PEX14: variants seen among roughly 807,000 people sequenced by gnomAD.
PEX14 encodes peroxisomal biogenesis factor 14.
A neutral mutation model predicts 49.5 loss-of-function variants in PEX14; 15 were observed. The observed-to-expected ratio is 0.30, with a 90% CI of 0.20 to 0.47. PEX14 has a LOEUF of 0.47. Ranked by LOEUF, PEX14 falls within the 20% of genes least tolerant of loss-of-function variation. The probability of loss-of-function intolerance (pLI) is 1.00; values close to 1 mark genes in which losing one functional copy is unlikely to be tolerated. For missense variants in PEX14, 398 were observed against 494.8 expected, an observed-to-expected ratio of 0.80 and a Z score of 1.86; for synonymous variants, 210 against 212.7, an observed-to-expected ratio of 0.99 and a Z score of 0.11.
Position 10,597,541 on chromosome 1 carries a change from C to G in PEX14, c.170-1697C>G, listed in dbSNP as rs1270583218. Among the ~76,000 whole-genome samples the G allele has an allele frequency of 6.6e-6, 1 of 152,212 alleles. No individual in the cohort carries two copies. The highest frequency in any genetic ancestry group is 6.5e-5 in the Admixed American group (1 of 15,280). ...GGTAAAGCAGTCCCTTTGCAGCAAG[C>G]ACCCCCTCTCTAGCTCCACTCTACT... On this transcript the variant is annotated intron_variant, in intron 3 of 8. Transcript: ENST00000356607. This position sits in a 1 kb window ranked among gnomAD's most constrained non-coding sequence, Gnocchi z 5.7.
intron 1 of PEX14, among the ~76,000 whole-genome samples, chr1:10,478,336 G>C (rs773005953): frequency 3.3e-5 from 5 of 152,016 alleles, no homozygotes; most frequent in Non-Finnish European, 5.9e-5. Flanking sequence ...ACATCTTTTG[G>C]GGTATGATTT....
At chr1:10,547,088 G>A (rs148422118) in intron 3 of PEX14, among the ~76,000 whole-genome samples, 72 of 152,256 alleles carry the variant, frequency 4.7e-4, no homozygotes, top group African/African-American at 1.7e-3. Context: ...GCATGTCCTT[G>A]CAGCTGTGAT....
intron 2 of PEX14, among the ~76,000 whole-genome samples, chr1:10,504,991 G>A (rs1641756741): frequency 6.6e-6 from 1 of 152,072 alleles, no homozygotes; most frequent in Non-Finnish European, 1.5e-5. Context: ...CAACATGTTG[G>A]CCAGGCTGGT....
chr1:10,594,829 C>CA (rs5772422), intron 3 of PEX14, among the ~76,000 whole-genome samples: 132,033 of 152,092 alleles, frequency 0.87, 57,557 homozygotes, highest in Middle Eastern at 0.95. Context: ...CAATCGCAGC[C>CA]TGTACCCTGC....
Position 10,494,939 on chromosome 1 carries a change from C to G in PEX14, c.37-335C>G, listed in dbSNP as rs1160887347. 6.6e-6 allele frequency among the ~76,000 whole-genome samples: 1 copy of G among 152,200 alleles called. No individual in the cohort carries two copies. The highest frequency in any genetic ancestry group is 1.5e-5 in the Non-Finnish European group (1 of 68,040). ...TGTGCTCTCTCTTCAGGCCTTTTCT[C>G]TGGACTCTACTCTTCCCGTGGATTT... On this transcript the variant is annotated intron_variant, in intron 1 of 8. Transcript: ENST00000356607. The surrounding 1 kb of genome is among the most constrained non-coding windows in gnomAD (Gnocchi z 4.3).
chr1:10,498,151 A>G (rs934964714), intron 2 of PEX14, among the ~76,000 whole-genome samples: 28 of 152,160 alleles, frequency 1.8e-4, no homozygotes, highest in African/African-American at 5.3e-4. Flanking sequence ...TTGGTGCCTC[A>G]TGCCTATACT....
At position 10,629,889 on chromosome 1, in the gene PEX14, C is replaced by A. The variant is rs773295464; in HGVS notation, c.1036C>A (p.Gln346Lys). 1.1e-5 allele frequency: 18 copies of A among 1,612,678 alleles called. No individual in the cohort carries two copies. The highest frequency in any genetic ancestry group is 2.7e-5 in the African/African-American group (2 of 74,752). ...GGACGAGGAGGACTGCCTGGGGGTGCAGAGGGAGGACCGCCGGGGCGGGGA... is the reference window on the plus strand; with the variant it reads ...GGACGAGGAGGACTGCCTGGGGGTGAAGAGGGAGGACCGCCGGGGCGGGGA... ...HVDEEDCLGV[Q>K]REDRRGGDGQ... Residue 346 changes from glutamine (Q) to lysine (K), a missense_variant, in exon 9 of 9, where the codon CAG (glutamine) becomes AAG (lysine). Physicochemically the swap from Gln to Lys is moderately conservative, Grantham distance 53 (BLOSUM62 1). Transcript: ENST00000356607. This position sits in a 1 kb window ranked among gnomAD's most constrained non-coding sequence, Gnocchi z 8.5.
At chr1:10,595,577 A>T (rs997878175) in intron 3 of PEX14, among the ~76,000 whole-genome samples, 4 of 152,204 alleles carry the variant, frequency 2.6e-5, no homozygotes, top group Non-Finnish European at 5.9e-5. Context: ...ACCTCAACTA[A>T]AAGAACATTT....
intron 3 of PEX14, among the ~76,000 whole-genome samples, chr1:10,582,921 A>C (rs549564977): frequency 1.3e-4 from 20 of 151,912 alleles, no homozygotes; most frequent in Admixed American, 1.0e-3. Context: ...TTTATTAGGG[A>C]CGGGGGTTTC....
Position 10,512,628 on chromosome 1 carries a change from A to G in PEX14, c.84+17307A>G, listed in dbSNP as rs1411518413. On this transcript the variant is annotated intron_variant, in intron 2 of 8. Transcript: ENST00000356607. This position sits in a 1 kb window ranked among gnomAD's most constrained non-coding sequence, Gnocchi z 4.6. ...TTTAGAAGTAGCTAGTTATAATGAA[A>G]AAGAACAATATATTCAGATGCATAG... is the stretch of plus-strand genomic sequence containing the variant. Among the ~76,000 whole-genome samples, 1 of 152,218 alleles carries G rather than the reference A, an allele frequency of 6.6e-6. No individual in the cohort carries two copies. Among genetic ancestry groups the G allele is most frequent in the Non-Finnish European group, 1.5e-5 (1 of 68,032 alleles).
chr1:10,501,581 G>C (rs1364857055), intron 2 of PEX14, among the ~76,000 whole-genome samples: 1 of 152,050 alleles, frequency 6.6e-6, no homozygotes, highest in Non-Finnish European at 1.5e-5. Flanking sequence ...GATTACAGGC[G>C]TGAGCCACCG....
chr1:10,559,328 T>TA (rs1639581715), intron 3 of PEX14, among the ~76,000 whole-genome samples: 2 of 152,252 alleles, frequency 1.3e-5, no homozygotes, highest in Non-Finnish European at 2.9e-5. Context: ...CAGGACTTTT[T>TA]CATCTATTTT....
chr1:10,500,329 G>A (rs1396860776), intron 2 of PEX14, among the ~76,000 whole-genome samples: 11 of 130,580 alleles, frequency 8.4e-5, no homozygotes, highest in African/African-American at 2.9e-4. Context: ...AACCGAGATC[G>A]CGCTACTGCC....
intron 3 of PEX14, among the ~76,000 whole-genome samples, chr1:10,573,152 A>G (rs1262874575): frequency 1.3e-5 from 2 of 152,238 alleles, no homozygotes; most frequent in Admixed American, 6.5e-5. Flanking sequence ...CTACCATCGC[A>G]TGTGCAGTCC....
intron 1 of PEX14, among the ~76,000 whole-genome samples, chr1:10,476,527 G>A (rs1162850152): frequency 6.6e-6 from 1 of 152,168 alleles, no homozygotes; most frequent in African/African-American, 2.4e-5. Context: ...TTAAGACGGA[G>A]TCTCTCTCTG....
At chr1:10,563,681 T>C (rs1639719120) in intron 3 of PEX14, among the ~76,000 whole-genome samples, 4 of 152,022 alleles carry the variant, frequency 2.6e-5, no homozygotes, top group Admixed American at 2.6e-4. Flanking sequence ...TCCCAGCACC[T>C]TGGGAGGCCG....
Position 10,512,308 on chromosome 1 carries a change from C to T in PEX14, c.84+16987C>T, listed in dbSNP as rs928106877. On this transcript the variant is annotated intron_variant, in intron 2 of 8. Coordinates refer to ENST00000356607, the MANE Select transcript of PEX14 (RefSeq NM_004565.3). The surrounding 1 kb of genome is among the most constrained non-coding windows in gnomAD (Gnocchi z 4.6). ...GCTCTCAGACCAGGACTTTCTGGAT[C>T]TTTTTTTCTGATACCCAACACTGTG... Among the ~76,000 whole-genome samples the T allele has an allele frequency of 6.6e-6, 1 of 152,072 alleles. No homozygotes were observed. Among genetic ancestry groups the T allele is most frequent in the African/African-American group, 2.4e-5 (1 of 41,398 alleles).
chr1:10,486,685 G>C (rs1641374416), intron 1 of PEX14, among the ~76,000 whole-genome samples: 1 of 119,526 alleles, frequency 8.4e-6, no homozygotes, highest in African/African-American at 3.1e-5. Flanking sequence ...TGGAGACTCT[G>C]TCTCTTTTTT....
chr1:10,566,965 C>G (rs1197909613), intron 3 of PEX14, among the ~76,000 whole-genome samples: 1 of 152,066 alleles, frequency 6.6e-6, no homozygotes, highest in African/African-American at 2.4e-5. Context: ...CACACTTTTT[C>G]TGTAAAGAGC....
Sources: gnomAD v4.1 joint callset for allele counts (sites outside exome capture counted in the v4.1 genomes callset) on GRCh38, gnomAD v4.1.1 for gene constraint, Gnocchi (gnomAD v3.1) non-coding constraint, MANE v1.5 for transcripts, NCBI Gene and HGNC (gene_info 2026-07-23, HGNC 2026-07-21) for gene names.